The following CADM1 variants were observed in gnomAD, a reference collection of about 807,000 sequenced individuals.
The protein encoded by CADM1 is TSLC-1.
In CADM1, 15 loss-of-function variants were observed where a neutral mutation model predicts 53.1. That is an observed-to-expected ratio of 0.28 (90% CI 0.19 to 0.44). The LOEUF (loss-of-function observed/expected upper bound fraction) is 0.44, where lower values mean the gene tolerates loss of function less well. Ranked by LOEUF, CADM1 falls within the 20% of genes least tolerant of loss-of-function variation. CADM1 has a pLI of 1.00. For synonymous variants in CADM1, 281 were observed against 243.0 expected, an observed-to-expected ratio of 1.16 and a Z score of -1.45; for missense variants, 434 against 611.3, an observed-to-expected ratio of 0.71 and a Z score of 3.06.
chr11:115,487,196 C>A (rs1949393688), intron 1 of CADM1, among the ~76,000 whole-genome samples: 1 of 152,112 alleles, frequency 6.6e-6, no homozygotes, highest in South Asian at 2.1e-4. Flanking sequence ...CAAAGAGAAT[C>A]TTATGGGGGA....
rs1162914607 is a variant in CADM1, at chr11:115,190,932, T to C, written c.1121A>G (p.Gln374Arg). Residue 374 changes from glutamine (Q) to arginine (R), a missense_variant, in exon 10 of 12, where the codon CAG (glutamine) becomes CGG (arginine). Gln to Arg is a conservative substitution (Grantham distance 43). Coordinates refer to ENST00000331581, the MANE Select transcript of CADM1 (RefSeq NM_001301043.2). ...TTEPAVHGLT[Q>R]LPNSAEELDS... ...CAGTTCTTCTGCGGAATTGGGCAAC[T>C]GAGTAAGGCCTTACAAGTAAAAACA... 4 of 1,593,368 alleles carry C rather than the reference T, an allele frequency of 2.5e-6. No homozygotes were observed. The African/African-American group carries it at 4.0e-5, about 16-fold the overall frequency.
At chr11:115,276,078 T>C (rs1303789001) in intron 1 of CADM1, among the ~76,000 whole-genome samples, 1 of 152,236 alleles carries the variant, frequency 6.6e-6, no homozygotes, top group African/African-American at 2.4e-5. Flanking sequence ...GTTTTATCAT[T>C]ACCCATCATT....
At chr11:115,448,607 T>C (rs1388823176) in intron 1 of CADM1, among the ~76,000 whole-genome samples, 1 of 132,118 alleles carries the variant, frequency 7.6e-6, no homozygotes, top group Admixed American at 9.2e-5. Flanking sequence ...TGAAAAATTA[T>C]AGAAAACAGA....
intron 1 of CADM1, among the ~76,000 whole-genome samples, chr11:115,399,733 C>G (rs1254399008): frequency 1.3e-5 from 2 of 151,922 alleles, no homozygotes; most frequent in African/African-American, 4.8e-5. Context: ...TTTTTCTCAC[C>G]TTTACCTGGA....
At chr11:115,339,051 C>T (rs1447122034) in intron 1 of CADM1, among the ~76,000 whole-genome samples, 4 of 111,742 alleles carry the variant, frequency 3.6e-5, no homozygotes, top group Admixed American at 9.1e-5. Flanking sequence ...CCCCCTCCCC[C>T]GACCCCACCA....
intron 1 of CADM1, among the ~76,000 whole-genome samples, chr11:115,243,807 A>T (rs1942321368): frequency 6.6e-6 from 1 of 152,226 alleles, no homozygotes; most frequent in Non-Finnish European, 1.5e-5. Flanking sequence ...TCCATTTTTA[A>T]AACCTTTCTG....
intron 1 of CADM1, among the ~76,000 whole-genome samples, chr11:115,268,254 C>T (rs185248834): frequency 1.1e-4 from 16 of 152,282 alleles, no homozygotes; most frequent in Admixed American, 1.0e-3. Flanking sequence ...CTTAGAAGAA[C>T]ATTCTTGATT....
chr11:115,336,722 T>G (rs1945276833), intron 1 of CADM1, among the ~76,000 whole-genome samples: 1 of 152,172 alleles, frequency 6.6e-6, no homozygotes, highest in African/African-American at 2.4e-5. Context: ...CAGCCAGAAT[T>G]AGAAGCACTG....
chr11:115,340,651 TATA>T (rs1278612935), intron 1 of CADM1, among the ~76,000 whole-genome samples: 1,426 of 41,118 alleles, frequency 0.035, 61 homozygotes, highest in Non-Finnish European at 0.057. Flanking sequence ...TATATATATA[TATA>T]TATATTTTTT....
chr11:115,268,607 T>C (rs948345270), intron 1 of CADM1, among the ~76,000 whole-genome samples: 3 of 152,184 alleles, frequency 2.0e-5, no homozygotes, highest in African/African-American at 7.2e-5. Flanking sequence ...CTATTGAGGG[T>C]AACCAGAGCA....
At chr11:115,281,062 A>C (rs1383561293) in intron 1 of CADM1, among the ~76,000 whole-genome samples, 1 of 152,344 alleles carries the variant, frequency 6.6e-6, no homozygotes, top group East Asian at 1.9e-4. Context: ...AAATGGATTG[A>C]ACTCCCGGTA....
At chr11:115,240,765 A>T in intron 1 of CADM1, 1 of 307,072 alleles carries the variant, frequency 3.3e-6, no homozygotes, top group South Asian at 3.5e-5. Context: ...CAAATGGAGT[A>T]GGGAAGATAG....
chr11:115,460,285 A>G (rs971102727), intron 1 of CADM1, among the ~76,000 whole-genome samples: 6 of 152,180 alleles, frequency 3.9e-5, no homozygotes, highest in Non-Finnish European at 5.9e-5. Flanking sequence ...CCCTTTGGCC[A>G]TGGGTATTGG....
chr11:115,204,828 T>C (rs1294651721), intron 8 of CADM1, among the ~76,000 whole-genome samples: 1 of 152,192 alleles, frequency 6.6e-6, no homozygotes, highest in East Asian at 1.9e-4. Context: ...TTTCAGACTA[T>C]GAAAGCCAAA....
At chr11:115,273,333 T>A (rs1403130693) in intron 1 of CADM1, among the ~76,000 whole-genome samples, 1 of 152,218 alleles carries the variant, frequency 6.6e-6, no homozygotes, top group Admixed American at 6.5e-5. Context: ...TTCCATCATA[T>A]TAAATTCAGA....
At chr11:115,368,838 T>C (rs1946238540) in intron 1 of CADM1, among the ~76,000 whole-genome samples, 2 of 151,930 alleles carry the variant, frequency 1.3e-5, no homozygotes, top group Non-Finnish European at 2.9e-5. Context: ...TGATAGCCAC[T>C]AGCCACAAAT....
chr11:115,479,052 G>A (rs1949200748), intron 1 of CADM1, among the ~76,000 whole-genome samples: 3 of 152,072 alleles, frequency 2.0e-5, no homozygotes, highest in South Asian at 4.1e-4. Flanking sequence ...TTGTTTGGGG[G>A]TAAAAGAATA....
intron 1 of CADM1, among the ~76,000 whole-genome samples, chr11:115,297,923 A>G (rs34502851): frequency 0.061 from 9,367 of 152,312 alleles, 328 homozygotes; most frequent in East Asian, 0.1. Flanking sequence ...AATGTCATTC[A>G]TATTTACCTC....
intron 1 of CADM1, among the ~76,000 whole-genome samples, chr11:115,286,934 A>C (rs1943744057): frequency 6.6e-6 from 1 of 152,230 alleles, no homozygotes; most frequent in African/African-American, 2.4e-5. Flanking sequence ...CATTCGCCTA[A>C]TTGAAAAGCT....
Sources: gnomAD v4.1 joint callset for allele counts (sites outside exome capture counted in the v4.1 genomes callset) on GRCh38, gnomAD v4.1.1 for gene constraint, MANE v1.5 for transcripts, NCBI Gene and HGNC (gene_info 2026-07-23, HGNC 2026-07-21) for gene names.